TPP2: variants seen among roughly 807,000 people sequenced by gnomAD.
The protein encoded by TPP2 is tripeptidyl peptidase 2, also known as tripeptidyl-peptidase 2.
TPP2 carries 34 observed loss-of-function variants against 155.9 expected under a neutral mutation model. The observed-to-expected ratio is 0.22, with a 90% CI of 0.17 to 0.29. TPP2 has a LOEUF of 0.29. Among genes scored for constraint, TPP2 ranks in the 10% least tolerant of loss-of-function variants. The probability of loss-of-function intolerance (pLI) is 1.00; values close to 1 mark genes in which losing one functional copy is unlikely to be tolerated. For missense variants in TPP2, 1,028 were observed against 1,522.3 expected (o/e 0.68, Z 5.40); for synonymous variants, 510 against 529.4 (o/e 0.96, Z 0.50).
intron 16 of TPP2, 57 bp downstream of exon 16, chr13:102,640,433 T>A: frequency 7.3e-7 from 1 of 1,373,586 alleles, no homozygotes; most frequent in Non-Finnish European, 1.0e-6. Flanking sequence ...CTAATGACTA[T>A]AGCTGTATGA....
At chr13:102,615,584 AG>A (rs1319291840) in intron 3 of TPP2, among the ~76,000 whole-genome samples, 1 of 152,202 alleles carries the variant, frequency 6.6e-6, no homozygotes, top group Non-Finnish European at 1.5e-5. Context: ...CTGAAGATAA[AG>A]GTTAAAACCA....
chr13:102,677,373 C>A (rs958086336), intron 29 of TPP2, among the ~76,000 whole-genome samples: 4 of 28,078 alleles, frequency 1.4e-4, no homozygotes, highest in African/African-American at 6.0e-4. Flanking sequence ...TCCACTCTGC[C>A]CCCCCCGCTG....
chr13:102,614,234 T>A (rs1433793945), intron 3 of TPP2, 38 bp downstream of exon 3: 2 of 1,461,758 alleles, frequency 1.4e-6, no homozygotes, highest in Admixed American at 2.1e-5. Context: ...TGTATTCTTC[T>A]GACTTGTCTT....
intron 29 of TPP2, among the ~76,000 whole-genome samples, chr13:102,677,725 C>T (rs1885374925): frequency 6.6e-6 from 1 of 152,234 alleles, no homozygotes; most frequent in Non-Finnish European, 1.5e-5. Context: ...CATCTAACTC[C>T]CCAGTTAGTT....
chr13:102,678,093 G>T, intron 29 of TPP2, 134 bp from the exon 30 acceptor site: 2 of 836,908 alleles, frequency 2.4e-6, no homozygotes, highest in Non-Finnish European at 1.8e-6. Flanking sequence ...CAATGGGTGG[G>T]TGACGGTTGG....
chr13:102,615,745 G>A (rs1240674333), intron 3 of TPP2, among the ~76,000 whole-genome samples: 1 of 152,108 alleles, frequency 6.6e-6, no homozygotes, highest in Non-Finnish European at 1.5e-5. Context: ...TCCCAATTTT[G>A]TATGGGCCCA....
intron 15 of TPP2, among the ~76,000 whole-genome samples, chr13:102,639,411 T>G (rs1882604745): frequency 6.6e-6 from 1 of 152,176 alleles, no homozygotes; most frequent in African/African-American, 2.4e-5. Context: ...GGAAAAATTG[T>G]GCAACAGTTA....
At chr13:102,669,309 G>T (rs1410410088) in intron 27 of TPP2, among the ~76,000 whole-genome samples, 2 of 152,172 alleles carry the variant, frequency 1.3e-5, no homozygotes, top group Non-Finnish European at 2.9e-5. Context: ...ACTGTGGCCT[G>T]TCCTTGGGGG....
intron 2 of TPP2, among the ~76,000 whole-genome samples, chr13:102,610,961 C>CT (rs978182809): frequency 5.3e-5 from 8 of 152,208 alleles, no homozygotes; most frequent in Admixed American, 5.2e-4. Context: ...CATTCCTTTG[C>CT]TTTTTTGTGT....
At position 102,635,909 on chromosome 13, in the gene TPP2, A is replaced by G. The variant is rs146170856; in HGVS notation, c.1509+207A>G. 7.9e-5 allele frequency among the ~76,000 whole-genome samples: 12 copies of G among 152,302 alleles called. No homozygotes were observed. The South Asian group carries it at 1.0e-3, about 13-fold the overall frequency. On this transcript the variant is annotated intron_variant, in intron 12 of 29. Coordinates refer to ENST00000376052, the MANE Select transcript of TPP2 (RefSeq NM_001330588.2). ...GCACTAAGATCAAGAAATGTAATAG[A>G]TGGAGGCCATGTAGAGGTTAGAAAT...
At chr13:102,660,747 A>G (rs1161931383) in intron 25 of TPP2, among the ~76,000 whole-genome samples, 1 of 152,216 alleles carries the variant, frequency 6.6e-6, no homozygotes, top group Non-Finnish European at 1.5e-5. Context: ...GCAACAGTAA[A>G]CAAGACAGTG....
chr13:102,663,817 A>T, intron 26 of TPP2, 73 bp downstream of exon 26: 1 of 1,131,670 alleles, frequency 8.8e-7, no homozygotes, highest in South Asian at 1.7e-5. Context: ...GGAAAAGTGC[A>T]TTATCTTTCT....
intron 6 of TPP2, among the ~76,000 whole-genome samples, chr13:102,624,744 C>A (rs1047353958): frequency 1.3e-5 from 2 of 150,990 alleles, no homozygotes; most frequent in Admixed American, 6.6e-5. Flanking sequence ...CATTGATGGA[C>A]GTTTAGATTG....
rs34845674 is a variant in TPP2, at chr13:102,609,392, C to CTTTTTT, written c.294+4488_294+4493dup. ...AGCCAGCAAAGGGAGAAGTGCCATG[C>CTTTTTT]TTTTTTTTTTTTTTTTTTTTTTGAG... On this transcript the variant is annotated intron_variant, in intron 2 of 29. Coordinates refer to ENST00000376052, the MANE Select transcript of TPP2 (RefSeq NM_001330588.2). Among the ~76,000 whole-genome samples the CTTTTTT allele has an allele frequency of 1.1e-3, 87 of 79,810 alleles. 1 individual carries two copies. The highest frequency in any genetic ancestry group is 1.4e-3 in the Non-Finnish European group (63 of 44,982). 52.4% of individuals were successfully genotyped at this position (79,810 alleles called of 152,430 possible). A position where few individuals can be genotyped will look rare whatever the true frequency, so the allele number is the denominator to read the frequency against.
chr13:102,597,602 T>C (rs1482498753), intron 1 of TPP2, among the ~76,000 whole-genome samples: 1 of 152,246 alleles, frequency 6.6e-6, no homozygotes, highest in Non-Finnish European at 1.5e-5. Flanking sequence ...CGCCTTCCTC[T>C]GCCTACCCCT....
chr13:102,614,178 A>T lies in TPP2; in HGVS notation c.372A>T (p.Ala124=). ...ATGGCTATGACTTCTATCCTAAGGC[A>T]CTCAAGGAAAGGATACAGGTAATGT... The part of the protein sequence containing the change: ...IKNGYDFYPK[A]LKERIQKERK... The change falls in exon 3 of 30, where the codon GCA becomes GCT. Residue 124 remains alanine (A), a synonymous_variant. Transcript: ENST00000376052. The T allele has an allele frequency of 6.2e-7, 1 of 1,612,904 alleles. No homozygotes were observed. Among genetic ancestry groups the T allele is most frequent in the Admixed American group, 1.7e-5 (1 of 59,926 alleles).
chr13:102,599,248 G>A (rs554569921), intron 1 of TPP2, among the ~76,000 whole-genome samples: 4 of 152,110 alleles, frequency 2.6e-5, no homozygotes, highest in African/African-American at 4.8e-5. Context: ...TTAGATATTT[G>A]CATGTAATAA....
intron 24 of TPP2, among the ~76,000 whole-genome samples, chr13:102,652,271 A>G (rs1345853037): frequency 1.3e-5 from 2 of 151,766 alleles, no homozygotes; most frequent in East Asian, 1.9e-4. Context: ...CAGCTACTCT[A>G]TTGGAGGCTG....
chr13:102,628,247 A>G (rs1881782506), intron 8 of TPP2, among the ~76,000 whole-genome samples: 1 of 152,040 alleles, frequency 6.6e-6, no homozygotes, highest in Non-Finnish European at 1.5e-5. Context: ...TGAGATATGC[A>G]ACCCACAGAC....
Sources: gnomAD v4.1 joint callset for allele counts (sites outside exome capture counted in the v4.1 genomes callset) on GRCh38, gnomAD v4.1.1 for gene constraint, MANE v1.5 for transcripts, NCBI Gene and HGNC (gene_info 2026-07-23, HGNC 2026-07-21) for gene names.